Variants in PRDM16 observed in about 807,000 individuals in gnomAD.
PRDM16 encodes the protein histone-lysine N-methyltransferase PRDM16.
Under a neutral mutation model 110.6 loss-of-function variants are expected in PRDM16, and 23 were observed. The ratio of observed to expected loss-of-function variants is 0.21; its 90% confidence interval spans 0.15 to 0.29. PRDM16 has a LOEUF of 0.29. Ranked by LOEUF, PRDM16 falls within the 10% of genes least tolerant of loss-of-function variation. The pLI is 1.00. For missense variants in PRDM16, 1,615 were observed against 1,794.3 expected (o/e 0.90, Z 1.81); for synonymous variants, 799 against 781.8 (o/e 1.02, Z -0.37).
In PRDM16 at chr1:3,244,126, T is replaced by A; in HGVS notation, c.427T>A (p.Cys143Ser). ...CGTGGAAGTGTCGCCCCAGGAAGGCTGCATCACAAAGGTAGGAGAGCTCGC... is the reference window on the plus strand; with the variant it reads ...CGTGGAAGTGTCGCCCCAGGAAGGCAGCATCACAAAGGTAGGAGAGCTCGC... ...TDVEVSPQEGCITKISEDLGS... is the reference protein window; with the variant it reads ...TDVEVSPQEGSITKISEDLGS... The change falls in exon 3 of 17, where the codon TGC (cysteine) becomes AGC (serine). Residue 143 changes from cysteine (C) to serine (S), a missense_variant. Cys to Ser is a moderately radical substitution (Grantham distance 112). Coordinates refer to ENST00000270722, the MANE Select transcript of PRDM16 (RefSeq NM_022114.4). This position sits in a 1 kb window ranked among gnomAD's most constrained non-coding sequence, Gnocchi z 4.1. 2 of 1,613,910 alleles carry A rather than the reference T, an allele frequency of 1.2e-6. No homozygotes were observed. The highest frequency in any genetic ancestry group is 1.7e-6 in the Non-Finnish European group (2 of 1,179,994).
intron 3 of PRDM16, chr1:3,307,052 G>A (rs1031191272): frequency 3.3e-5 from 5 of 152,218 alleles, no homozygotes; most frequent in Non-Finnish European, 7.3e-5. Context: ...TCGTATGGAG[G>A]GGCCACATTG....
chr1:3,422,053 C>T (rs1638449802), intron 12 of PRDM16, among the ~76,000 whole-genome samples: 1 of 146,544 alleles, frequency 6.8e-6, no homozygotes, highest in Non-Finnish European at 1.5e-5. Context: ...GATGGATGGA[C>T]AGACAGGCAG....
chr1:3,400,680 G>A (rs1643451972), intron 5 of PRDM16, among the ~76,000 whole-genome samples: 1 of 152,176 alleles, frequency 6.6e-6, no homozygotes, highest in South Asian at 2.1e-4. Flanking sequence ...CAGGCCCTGG[G>A]CATCCTCTGG....
In PRDM16 at chr1:3,188,644, G is replaced by A. The variant is rs147107611; in HGVS notation, c.387+2170G>A. 4.0e-3 allele frequency among the ~76,000 whole-genome samples: 610 copies of A among 152,324 alleles called. 4 individuals carry two copies. Among genetic ancestry groups the A allele is most frequent in the African/African-American group, 0.014 (574 of 41,568 alleles). On this transcript the variant is annotated intron_variant, in intron 2 of 16. Transcript: ENST00000270722. ...CTCAAACGGTGCTCCCCGCGCACCCGGCAGGATCTCGCCTGACCTTGTTTT... is the reference window on the plus strand; with the variant it reads ...CTCAAACGGTGCTCCCCGCGCACCCAGCAGGATCTCGCCTGACCTTGTTTT...
chr1:3,241,841 G>A (rs1419820636), intron 2 of PRDM16, among the ~76,000 whole-genome samples: 5 of 152,198 alleles, frequency 3.3e-5, no homozygotes, highest in African/African-American at 4.8e-5. Context: ...GTGGACAGAG[G>A]GAGGGCGGCC....
At chr1:3,142,525 G>A (rs1643569609) in intron 1 of PRDM16, among the ~76,000 whole-genome samples, 1 of 152,146 alleles carries the variant, frequency 6.6e-6, no homozygotes, top group Non-Finnish European at 1.5e-5. Flanking sequence ...CAAAAGCACA[G>A]GGATCCTCCT....
At chr1:3,194,589 CCG>C (rs1638408790) in intron 2 of PRDM16, among the ~76,000 whole-genome samples, 1 of 141,996 alleles carries the variant, frequency 7.0e-6, no homozygotes, top group African/African-American at 2.8e-5. Flanking sequence ...CCACACGCCA[CCG>C]TCTCCCCACC....
intron 1 of PRDM16, among the ~76,000 whole-genome samples, chr1:3,111,055 C>T (rs1466807298): frequency 6.6e-6 from 1 of 152,166 alleles, no homozygotes; most frequent in Non-Finnish European, 1.5e-5. Context: ...GGCCCCACAC[C>T]TGCCGAGTGT....
chr1:3,341,175 C>T (rs2483281), intron 3 of PRDM16, among the ~76,000 whole-genome samples: 83,988 of 150,544 alleles, frequency 0.56, 24,233 homozygotes, highest in Middle Eastern at 0.74. Context: ...TGTAGCAGAG[C>T]TGAGCAAGCT....
intron 3 of PRDM16, among the ~76,000 whole-genome samples, chr1:3,286,151 C>T (rs1640838584): frequency 6.6e-6 from 1 of 152,226 alleles, no homozygotes; most frequent in Non-Finnish European, 1.5e-5. Context: ...TCCTCATCCA[C>T]AGGCACTGGG....
chr1:3,415,606 G>A (rs919900167), intron 10 of PRDM16, among the ~76,000 whole-genome samples: 6 of 152,378 alleles, frequency 3.9e-5, no homozygotes, highest in African/African-American at 9.6e-5. Context: ...CGCATCCTGC[G>A]TTTGTTTGTG....
At chr1:3,219,316 C>T (rs1030492906) in intron 2 of PRDM16, among the ~76,000 whole-genome samples, 2 of 152,348 alleles carry the variant, frequency 1.3e-5, no homozygotes, top group South Asian at 4.1e-4. Context: ...ACTGTGTCGG[C>T]GAGAGCAAGC....
chr1:3,121,999 T>G (rs1643104993), intron 1 of PRDM16, among the ~76,000 whole-genome samples: 1 of 152,226 alleles, frequency 6.6e-6, no homozygotes, highest in African/African-American at 2.4e-5. Context: ...GCGGTTGGTA[T>G]CGCCAGATCT....
intron 2 of PRDM16, among the ~76,000 whole-genome samples, chr1:3,221,326 C>T (rs577667996): frequency 6.6e-6 from 1 of 152,222 alleles, no homozygotes; most frequent in South Asian, 2.1e-4. Flanking sequence ...AAGTCATGAG[C>T]CTCTCTGAGC....
intron 3 of PRDM16, among the ~76,000 whole-genome samples, chr1:3,374,901 G>A (rs112063729): frequency 2.0e-5 from 3 of 152,342 alleles, no homozygotes; most frequent in African/African-American, 7.2e-5. Context: ...AGGCACCCAA[G>A]CCACCAGTGG....
Position 3,069,227 on chromosome 1 carries a change from A to G in PRDM16, c.-33A>G, listed in dbSNP as rs538666783. 2 of 1,569,388 alleles carry G rather than the reference A, an allele frequency of 1.3e-6. No homozygotes were observed. The highest frequency in any genetic ancestry group is 1.7e-6 in the Non-Finnish European group (2 of 1,155,744). ...TAGTGTGTGGCTGCTTCTGGACTCAAGGAGGAGGAGAGAGATTCCGCGAGC... is the reference window on the plus strand; with the variant it reads ...TAGTGTGTGGCTGCTTCTGGACTCAGGGAGGAGGAGAGAGATTCCGCGAGC... On this transcript the variant is annotated 5_prime_UTR_variant, in exon 1 of 17. Coordinates refer to ENST00000270722, the MANE Select transcript of PRDM16 (RefSeq NM_022114.4). This position sits in a 1 kb window ranked among gnomAD's most constrained non-coding sequence, Gnocchi z 6.1.
At chr1:3,149,174 G>C (rs1280091463) in intron 1 of PRDM16, among the ~76,000 whole-genome samples, 1 of 152,232 alleles carries the variant, frequency 6.6e-6, no homozygotes, top group African/African-American at 2.4e-5. Context: ...CATGGAGCCT[G>C]GGCAAAGAGC....
At chr1:3,431,130 A>G (rs564813965) in intron 15 of PRDM16, 22 bp downstream of exon 15, 1 of 1,546,958 alleles carries the variant, frequency 6.5e-7, no homozygotes, top group Non-Finnish European at 8.7e-7. Flanking sequence ...CGTGTGCTCC[A>G]GGATGGGGCA....
intron 3 of PRDM16, among the ~76,000 whole-genome samples, chr1:3,258,940 CCA>C (rs1640106146): frequency 6.6e-6 from 1 of 152,122 alleles, no homozygotes; most frequent in Non-Finnish European, 1.5e-5. Flanking sequence ...CCTGGGCACC[CCA>C]GAGAGCTGCA....
Sources: gnomAD v4.1 joint callset for allele counts (sites outside exome capture counted in the v4.1 genomes callset) on GRCh38, gnomAD v4.1.1 for gene constraint, Gnocchi (gnomAD v3.1) non-coding constraint, MANE v1.5 for transcripts, NCBI Gene and HGNC (gene_info 2026-07-23, HGNC 2026-07-21) for gene names.